Variants in OTUD7A observed in about 807,000 individuals in gnomAD.
OTUD7A encodes OTU domain-containing protein 7A.
Under a neutral mutation model 65.7 loss-of-function variants are expected in OTUD7A, and 12 were observed. The observed-to-expected ratio is 0.18, with a 90% CI of 0.12 to 0.30. The LOEUF (loss-of-function observed/expected upper bound fraction) is 0.30. OTUD7A is among the 10% of genes least tolerant of loss of function. The pLI is 1.00. For synonymous variants in OTUD7A, 641 were observed against 586.3 expected (o/e 1.09, Z -1.35); for missense variants, 1,148 against 1,304.8 (o/e 0.88, Z 1.85).
At chr15:31,769,284 T>G (rs1164480229) in intron 1 of OTUD7A, among the ~76,000 whole-genome samples, 5 of 152,128 alleles carry the variant, frequency 3.3e-5, no homozygotes, top group Admixed American at 3.3e-4. Context: ...TTAAGAGAGA[T>G]AATATGTAAT....
At chr15:31,714,011 C>T (rs1277606373) in intron 1 of OTUD7A, among the ~76,000 whole-genome samples, 4 of 145,264 alleles carry the variant, frequency 2.8e-5, no homozygotes, top group African/African-American at 9.9e-5. Flanking sequence ...CAACCAGGGC[C>T]CTCCCACGGA....
chr15:31,526,540 C>A (rs995514408), intron 7 of OTUD7A, 79 bp from the exon 8 acceptor site: 7 of 1,216,162 alleles, frequency 5.8e-6, no homozygotes, highest in Middle Eastern at 2.6e-4. Flanking sequence ...CCAATCTGGA[C>A]CAGCCTCACC....
chr15:31,583,134 T>C (rs1213653818), intron 3 of OTUD7A, among the ~76,000 whole-genome samples: 1 of 152,204 alleles, frequency 6.6e-6, no homozygotes, highest in African/African-American at 2.4e-5. Flanking sequence ...AAGGTCAGTG[T>C]CAGTTCTGCA....
chr15:31,673,530 G>T (rs1892531366), intron 1 of OTUD7A, among the ~76,000 whole-genome samples: 1 of 152,176 alleles, frequency 6.6e-6, no homozygotes, highest in Non-Finnish European at 1.5e-5. Flanking sequence ...CCTCAGCATT[G>T]GAATGCTTGC....
chr15:31,532,744 G>A (rs1304438454), intron 5 of OTUD7A, among the ~76,000 whole-genome samples: 3 of 151,772 alleles, frequency 2.0e-5, no homozygotes, highest in South Asian at 4.2e-4. Context: ...TGGCTAACAC[G>A]GTGAAAGGTG....
chr15:31,533,077 T>G (rs1887685179), intron 5 of OTUD7A, among the ~76,000 whole-genome samples: 1 of 151,162 alleles, frequency 6.6e-6, no homozygotes, highest in African/African-American at 2.4e-5. Flanking sequence ...TAGAAACTCA[T>G]GCCAAAATAC....
intron 1 of OTUD7A, among the ~76,000 whole-genome samples, chr15:31,747,998 A>G (rs1032610410): frequency 1.3e-5 from 2 of 152,190 alleles, no homozygotes; most frequent in African/African-American, 2.4e-5. Context: ...CCAAATCAAG[A>G]AAGAGAAAGG....
At chr15:31,591,162 A>G (rs1889711641) in intron 3 of OTUD7A, among the ~76,000 whole-genome samples, 1 of 152,042 alleles carries the variant, frequency 6.6e-6, no homozygotes, top group South Asian at 2.1e-4. Flanking sequence ...AAAGGCTCAG[A>G]GGCTTGCAAA....
At chr15:31,659,318 G>C (rs1012629716) in intron 1 of OTUD7A, among the ~76,000 whole-genome samples, 3 of 152,080 alleles carry the variant, frequency 2.0e-5, no homozygotes, top group African/African-American at 7.2e-5. Context: ...GGTAGTGAAT[G>C]CTTTTAACAT....
chr15:31,610,617 A>ATATATATATATTTTTTTTT, intron 3 of OTUD7A, among the ~76,000 whole-genome samples: 4 of 30,562 alleles, frequency 1.3e-4, no homozygotes, highest in African/African-American at 6.8e-4. Context: ...ATATATATAT[A>ATATATATATATTTTTTTTT]TTTTTTTTTT....
intron 8 of OTUD7A, 151 bp downstream of exon 8, chr15:31,526,198 C>T: frequency 1.1e-6 from 1 of 907,816 alleles, no homozygotes; most frequent in Non-Finnish European, 1.6e-6. Flanking sequence ...GCGTCCTTGT[C>T]TTGAAGCTAA....
At chr15:31,580,471 C>T (rs959326846) in intron 3 of OTUD7A, among the ~76,000 whole-genome samples, 9 of 152,262 alleles carry the variant, frequency 5.9e-5, no homozygotes, top group South Asian at 4.1e-4. Context: ...TTTGCATTTG[C>T]GCAATACTGG....
chr15:31,690,151 A>G (rs1315593300), intron 1 of OTUD7A, among the ~76,000 whole-genome samples: 1 of 152,176 alleles, frequency 6.6e-6, no homozygotes, highest in African/African-American at 2.4e-5. Context: ...GATACCTGCT[A>G]TATTTTGTTG....
intron 1 of OTUD7A, among the ~76,000 whole-genome samples, chr15:31,715,571 C>T (rs911295241): frequency 1.4e-5 from 2 of 148,080 alleles, no homozygotes; most frequent in Non-Finnish European, 3.0e-5. Flanking sequence ...ACACTACATA[C>T]ATCATCTGTC....
intron 1 of OTUD7A, among the ~76,000 whole-genome samples, chr15:31,674,758 G>C (rs1375825300): frequency 2.0e-5 from 3 of 152,196 alleles, no homozygotes; most frequent in African/African-American, 7.2e-5. Flanking sequence ...AGGCTTAAAT[G>C]GAATAGTCCT....
At chr15:31,639,586 C>A (rs963055184) in intron 3 of OTUD7A, among the ~76,000 whole-genome samples, 1 of 151,014 alleles carries the variant, frequency 6.6e-6, no homozygotes, top group African/African-American at 2.5e-5. Flanking sequence ...GAAGAACTTG[C>A]TGAATTGTTT....
intron 1 of OTUD7A, among the ~76,000 whole-genome samples, chr15:31,737,527 A>T (rs571901804): frequency 6.6e-6 from 1 of 152,340 alleles, no homozygotes; most frequent in African/African-American, 2.4e-5. Context: ...ATTTTGGGGG[A>T]AGATGTGAAC....
chr15:31,797,604 C>T (rs1411242565), intron 1 of OTUD7A, among the ~76,000 whole-genome samples: 1 of 152,234 alleles, frequency 6.6e-6, no homozygotes, highest in Non-Finnish European at 1.5e-5. Flanking sequence ...GAAGGAACAG[C>T]CCCCATTCCT....
intron 1 of OTUD7A, chr15:31,766,437 A>G (rs1895096514): frequency 3.8e-6 from 6 of 1,582,102 alleles, no homozygotes; most frequent in South Asian, 1.1e-5. Flanking sequence ...GCCAGTCAAC[A>G]CAGAAGAAGC....
Sources: allele counts gnomAD v4.1 joint callset (sites outside exome capture counted in the v4.1 genomes callset), GRCh38; gene constraint gnomAD v4.1.1; transcripts MANE v1.5; gene names NCBI Gene and HGNC (gene_info 2026-07-23, HGNC 2026-07-21).